DGKI: variants seen among roughly 807,000 people sequenced by gnomAD.
DGKI encodes DAG kinase iota.
DGKI carries 55 observed loss-of-function variants against 147.5 expected under a neutral mutation model. The ratio of observed to expected loss-of-function variants is 0.37; its 90% CI spans 0.30 to 0.47. The LOEUF (loss-of-function observed/expected upper bound fraction) is 0.47. Among genes scored for constraint, DGKI ranks in the 20% least tolerant of loss-of-function variants. The probability of loss-of-function intolerance (pLI) is 1.00; values close to 1 mark genes in which losing one functional copy is unlikely to be tolerated. For synonymous variants in DGKI, 469 were observed against 477.1 expected, an observed-to-expected ratio of 0.98 and a Z score of 0.22; for missense variants, 1,007 against 1,323.8, an observed-to-expected ratio of 0.76 and a Z score of 3.71.
chr7:137,720,997 T>C (rs1463237711), intron 1 of DGKI, among the ~76,000 whole-genome samples: 1 of 152,234 alleles, frequency 6.6e-6, no homozygotes, highest in Non-Finnish European at 1.5e-5. Flanking sequence ...ATGAATAGAC[T>C]TACATAAAAC....
chr7:137,796,461 C>CT (rs1797034740), intron 1 of DGKI, among the ~76,000 whole-genome samples: 2 of 151,934 alleles, frequency 1.3e-5, no homozygotes, highest in Non-Finnish European at 2.9e-5. Context: ...GATTGCACCA[C>CT]TGCACTCCAG....
intron 1 of DGKI, among the ~76,000 whole-genome samples, chr7:137,823,757 A>G (rs933263714): frequency 6.6e-6 from 1 of 152,236 alleles, no homozygotes; most frequent in Non-Finnish European, 1.5e-5. Context: ...AGGAACCAGA[A>G]GGGCTGTCTA....
chr7:137,823,814 A>G (rs1483562203), intron 1 of DGKI, among the ~76,000 whole-genome samples: 1 of 152,230 alleles, frequency 6.6e-6, no homozygotes, highest in Non-Finnish European at 1.5e-5. Context: ...AATTAAATGC[A>G]ATAAAACATT....
At chr7:137,597,495 C>T (rs1291045684) in intron 12 of DGKI, among the ~76,000 whole-genome samples, 1 of 151,844 alleles carries the variant, frequency 6.6e-6, no homozygotes, top group Non-Finnish European at 1.5e-5. Context: ...ACGTATTTCT[C>T]CCTACTGTGG....
At chr7:137,661,355 C>T (rs964990969) in intron 3 of DGKI, among the ~76,000 whole-genome samples, 3 of 152,066 alleles carry the variant, frequency 2.0e-5, no homozygotes, top group Admixed American at 6.5e-5. Flanking sequence ...AATTCCCAGA[C>T]GTAATGCAAG....
At chr7:137,601,502 A>G (rs1034958408) in intron 10 of DGKI, among the ~76,000 whole-genome samples, 1 of 152,230 alleles carries the variant, frequency 6.6e-6, no homozygotes, top group Non-Finnish European at 1.5e-5. Flanking sequence ...GAGTCATCCC[A>G]GTATACTGGA....
Position 137,571,226 on chromosome 7 carries a change from C to T in DGKI, c.1896G>A (p.Gln632=), listed in dbSNP as rs773536602. 1.1e-5 allele frequency: 18 copies of T among 1,613,178 alleles called. No individual in the cohort carries two copies. The South Asian group carries it at 1.4e-4, about 13-fold the overall frequency. The part of the protein sequence containing the change: ...NPGDHHDFEP[Q]RHDDGYIEVI... ...CTTCAATATAACCATCATCATGACGCTGAGGTTCGAAATCATGGTGATCAC... is the reference window on the plus strand; with the variant it reads ...CTTCAATATAACCATCATCATGACGTTGAGGTTCGAAATCATGGTGATCAC... Residue 632 remains glutamine (Q), a synonymous_variant, in exon 19 of 33, where the codon CAG becomes CAA. Coordinates refer to ENST00000614521, the MANE Select transcript of DGKI (RefSeq NM_001321708.2).
intron 1 of DGKI, among the ~76,000 whole-genome samples, chr7:137,693,549 C>CTAATAAATAT (rs1156938366): frequency 2.6e-5 from 4 of 152,138 alleles, no homozygotes; most frequent in Non-Finnish European, 4.4e-5. Context: ...TTTTAAGTAG[C>CTAATAAATAT]ATCATATTAT....
rs1260957494 is a variant in DGKI, at chr7:137,578,273, T to A, written c.1695A>T (p.Ala565=). Residue 565 remains alanine, a synonymous_variant, in exon 16 of 33, where the codon GCA becomes GCT. Coordinates refer to ENST00000614521, the MANE Select transcript of DGKI (RefSeq NM_001321708.2). ...ATGAAATAAAATGTATACCTACCCC[T>A]GCATAGAACATTTTATTTCGAAAAC... ...NSRFRNKMFY[A]GAAFSDFLQR... 1 of 1,607,020 alleles carries A rather than the reference T, an allele frequency of 6.2e-7. No individual in the cohort carries two copies. Among genetic ancestry groups the A allele is most frequent in the Non-Finnish European group, 8.5e-7 (1 of 1,173,684 alleles).
In DGKI at chr7:137,605,971, C is replaced by A. The variant is rs541895591; in HGVS notation, c.1167+2995G>T. Among the ~76,000 whole-genome samples the A allele has an allele frequency of 1.4e-4, 21 of 152,164 alleles. No individual in the cohort carries two copies. The South Asian group carries it at 4.4e-3, about 32-fold the overall frequency. On this transcript the variant is annotated intron_variant, in intron 10 of 32. Transcript: ENST00000614521. The stretch of plus-strand genomic sequence containing the variant: ...GCTAGAAGATTTGACATATTTCAAA[C>A]ACAAAGAAATGATAAATGTTTGAGG...
At chr7:137,509,176 C>G (rs947013798) in intron 21 of DGKI, among the ~76,000 whole-genome samples, 6 of 152,230 alleles carry the variant, frequency 3.9e-5, no homozygotes, top group African/African-American at 7.2e-5. Flanking sequence ...AACCTCCCCA[C>G]AACATCCTCC....
intron 28 of DGKI, among the ~76,000 whole-genome samples, chr7:137,440,411 G>C (rs772722548): frequency 4.6e-5 from 7 of 152,106 alleles, no homozygotes; most frequent in Admixed American, 6.5e-5. Flanking sequence ...GTTCTGCTCT[G>C]TTTTGTCATT....
intron 11 of DGKI, among the ~76,000 whole-genome samples, chr7:137,598,551 C>T (rs537963783): frequency 2.0e-5 from 3 of 152,088 alleles, no homozygotes; most frequent in Non-Finnish European, 4.4e-5. Flanking sequence ...AACTTCTCTG[C>T]TTGAAATAAG....
chr7:137,500,339 C>T (rs959998672), intron 21 of DGKI, among the ~76,000 whole-genome samples: 1 of 152,116 alleles, frequency 6.6e-6, no homozygotes, highest in African/African-American at 2.4e-5. Context: ...CGTGTGCATG[C>T]TCTGGATTTT....
At chr7:137,652,529 C>G (rs1284178023) in intron 5 of DGKI, among the ~76,000 whole-genome samples, 1 of 152,138 alleles carries the variant, frequency 6.6e-6, no homozygotes, top group African/African-American at 2.4e-5. Context: ...TGAGTCACCA[C>G]TGAATTACCT....
At chr7:137,473,575 C>A (rs1815061047) in intron 23 of DGKI, among the ~76,000 whole-genome samples, 1 of 152,116 alleles carries the variant, frequency 6.6e-6, no homozygotes, top group African/African-American at 2.4e-5. Context: ...AGATTCTGAT[C>A]AGTAAAATGC....
intron 1 of DGKI, among the ~76,000 whole-genome samples, chr7:137,724,260 G>C (rs1318249374): frequency 2.0e-5 from 3 of 152,168 alleles, no homozygotes; most frequent in Non-Finnish European, 4.4e-5. Flanking sequence ...GGGGCCAGAG[G>C]CATTTATAGG....
chr7:137,717,568 C>A (rs936949911), intron 1 of DGKI, among the ~76,000 whole-genome samples: 1 of 152,052 alleles, frequency 6.6e-6, no homozygotes, highest in Non-Finnish European at 1.5e-5. Context: ...CTCAGTAATG[C>A]CTACACTATA....
intron 1 of DGKI, among the ~76,000 whole-genome samples, chr7:137,792,442 C>T (rs1365856659): frequency 9.2e-5 from 14 of 152,150 alleles, no homozygotes; most frequent in Admixed American, 9.2e-4. Flanking sequence ...TACAAATAAG[C>T]ACTGTGTTGG....
Sources: gnomAD v4.1 joint callset for allele counts (sites outside exome capture counted in the v4.1 genomes callset) on GRCh38, gnomAD v4.1.1 for gene constraint, MANE v1.5 for transcripts, NCBI Gene and HGNC (gene_info 2026-07-23, HGNC 2026-07-21) for gene names.